The following EYS variants were observed in gnomAD, a reference collection of about 807,000 sequenced individuals.
The protein encoded by EYS is protein eyes shut homolog.
In EYS, 250 loss-of-function variants were observed where a neutral mutation model predicts 282.1. The ratio of observed to expected loss-of-function variants is 0.89; its 90% CI spans 0.80 to 0.98. The LOEUF (loss-of-function observed/expected upper bound fraction) is 0.98. Among genes scored for constraint, EYS ranks in the 50% least tolerant of loss-of-function variants. The pLI is 0.00. For synonymous variants in EYS, 1,355 were observed against 1,282.9 expected (o/e 1.06, Z -1.20); for missense variants, 4,016 against 3,709.0 (o/e 1.08, Z -2.15).
chr6:64,730,154 A>T (rs1273012310), intron 22 of EYS, among the ~76,000 whole-genome samples: 1 of 152,202 alleles, frequency 6.6e-6, no homozygotes, highest in Non-Finnish European at 1.5e-5. Context: ...GAAGAGAAAT[A>T]TCAATGAAGC....
chr6:64,198,525 G>GT (rs1765367585), intron 31 of EYS, among the ~76,000 whole-genome samples: 1 of 151,732 alleles, frequency 6.6e-6, no homozygotes, highest in Non-Finnish European at 1.5e-5. Flanking sequence ...CCCTCCCTGT[G>GT]TACATGGGTT....
At chr6:63,773,125 T>A (rs1007357247) in intron 40 of EYS, among the ~76,000 whole-genome samples, 1 of 152,294 alleles carries the variant, frequency 6.6e-6, no homozygotes, top group Admixed American at 6.5e-5. Flanking sequence ...ATTTGAGCAG[T>A]TTCCAGTCTT....
chr6:63,737,661 T>C (rs1242806957), intron 41 of EYS, among the ~76,000 whole-genome samples: 24 of 152,238 alleles, frequency 1.6e-4, no homozygotes, highest in African/African-American at 5.8e-4. Context: ...TCAGAAGGAA[T>C]GGTACCAGTT....
chr6:64,995,723 G>C (rs74704874), intron 14 of EYS, among the ~76,000 whole-genome samples: 10,062 of 111,154 alleles, frequency 0.091, 386 homozygotes, highest in East Asian at 0.16. Flanking sequence ...CTTCCCCCCC[G>C]CCCCATATTC....
At chr6:64,552,736 A>ACC (rs533975424) in intron 26 of EYS, among the ~76,000 whole-genome samples, 2,089 of 143,578 alleles carry the variant, frequency 0.015, 43 homozygotes, top group African/African-American at 0.05. Flanking sequence ...AACATGGTGA[A>ACC]CCCCCCCCAC....
intron 31 of EYS, among the ~76,000 whole-genome samples, chr6:64,087,575 C>A (rs1000698855): frequency 3.9e-5 from 6 of 152,082 alleles, no homozygotes; most frequent in East Asian, 3.8e-4. Flanking sequence ...CACCTTTGAT[C>A]CCCCTATGGC....
chr6:65,413,842 G>T (rs1767124500), intron 5 of EYS, among the ~76,000 whole-genome samples: 1 of 151,778 alleles, frequency 6.6e-6, no homozygotes, highest in South Asian at 2.1e-4. Flanking sequence ...GGCGACAGAG[G>T]GAGACTTTGT....
rs981629140 is a variant in EYS, at chr6:65,329,828, T to A, written c.1766+5152A>T. The A allele has an allele frequency of 3.0e-5, 29 of 983,014 alleles. No homozygotes were observed. In the African/African-American group the frequency reaches 5.1e-4, roughly 17 times the overall value. The allele number at this position is 983,014 out of a possible 1,614,324, so 60.9% of individuals were successfully genotyped here. A position where few individuals can be genotyped will look rare whatever the true frequency, so the allele number is the denominator to read the frequency against. ...TGCCATATTCACATAAAGCTCTATT[T>A]TTACAAGCCTCCTGACTCTACAGAA... On this transcript the variant is annotated intron_variant, in intron 11 of 42. Transcript: ENST00000503581.
chr6:64,339,420 C>T (rs1176780305), intron 29 of EYS, among the ~76,000 whole-genome samples: 2 of 151,944 alleles, frequency 1.3e-5, no homozygotes, highest in Non-Finnish European at 2.9e-5. Context: ...ATTAAAACCA[C>T]ACTGTGTTAT....
rs185568641 is a variant in EYS, at chr6:64,136,707, G to C, written c.6425-54705C>G. The stretch of plus-strand genomic sequence containing the variant: ...AGGAATCTTTTTTTCTGAGCAGCAG[G>C]GTCTCAATAGTGGGCTTAAAATAGT... On this transcript the variant is annotated intron_variant, in intron 31 of 42. Coordinates refer to ENST00000503581, the MANE Select transcript of EYS (RefSeq NM_001142800.2). 2.8e-3 allele frequency among the ~76,000 whole-genome samples: 429 copies of C among 152,134 alleles called. 2 individuals carry two copies. The highest frequency in any genetic ancestry group is 9.8e-3 in the African/African-American group (409 of 41,544).
At chr6:64,067,551 A>G (rs1582222674) in intron 32 of EYS, among the ~76,000 whole-genome samples, 1 of 152,274 alleles carries the variant, frequency 6.6e-6, no homozygotes, top group East Asian at 1.9e-4. Flanking sequence ...ATTACAGTAC[A>G]ATAAAATATC....
At chr6:65,305,629 CA>C (rs1768984174) in intron 11 of EYS, among the ~76,000 whole-genome samples, 1 of 152,114 alleles carries the variant, frequency 6.6e-6, no homozygotes, top group African/African-American at 2.4e-5. Flanking sequence ...TAAAGTGCCT[CA>C]GGGGTCCCCT....
intron 2 of EYS, among the ~76,000 whole-genome samples, chr6:65,516,354 C>T (rs900756437): frequency 6.6e-6 from 1 of 152,040 alleles, no homozygotes; most frequent in Non-Finnish European, 1.5e-5. Flanking sequence ...CACTGCTAAT[C>T]CTCACAGCTA....
At chr6:65,204,159 T>G (rs1346845992) in intron 12 of EYS, among the ~76,000 whole-genome samples, 1 of 151,916 alleles carries the variant, frequency 6.6e-6, no homozygotes, top group African/African-American at 2.4e-5. Flanking sequence ...TGAGGAAAAT[T>G]TCCCCAATCT....
At chr6:64,318,126 A>G (rs532808639) in intron 29 of EYS, among the ~76,000 whole-genome samples, 2 of 152,164 alleles carry the variant, frequency 1.3e-5, no homozygotes, top group African/African-American at 2.4e-5. Context: ...GTGTATACCT[A>G]TGTAACAAAT....
chr6:64,001,689 C>A (rs892600576), intron 33 of EYS, among the ~76,000 whole-genome samples: 1 of 152,102 alleles, frequency 6.6e-6, no homozygotes, highest in Non-Finnish European at 1.5e-5. Context: ...ATTCATCCAG[C>A]TCTTAAACAA....
intron 2 of EYS, among the ~76,000 whole-genome samples, chr6:65,613,890 T>C (rs778566590): frequency 2.9e-4 from 44 of 151,930 alleles, no homozygotes; most frequent in Non-Finnish European, 5.9e-5. Flanking sequence ...TGGTTTATGG[T>C]TATTAGGTAA....
Position 64,893,646 on chromosome 6 carries a change from C to A in EYS, c.2847-6804G>T, listed in dbSNP as rs560058117. 1.7e-3 allele frequency among the ~76,000 whole-genome samples: 262 copies of A among 151,980 alleles called. 1 individual carries two copies. The highest frequency in any genetic ancestry group is 6.1e-3 in the African/African-American group (252 of 41,504). On this transcript the variant is annotated intron_variant, in intron 18 of 42. Coordinates refer to ENST00000503581, the MANE Select transcript of EYS (RefSeq NM_001142800.2). ...AAAGATTTTAATTCATTGAAAATGG[C>A]TTTTATTATAATAATTTACACCAGG...
chr6:64,527,014 T>C (rs1313772876), intron 26 of EYS, among the ~76,000 whole-genome samples: 1 of 151,834 alleles, frequency 6.6e-6, no homozygotes, highest in Non-Finnish European at 1.5e-5. Context: ...ATCATAGTTT[T>C]AGAATATTTA....
Sources: allele counts gnomAD v4.1 joint callset (sites outside exome capture counted in the v4.1 genomes callset), GRCh38; gene constraint gnomAD v4.1.1; transcripts MANE v1.5; gene names NCBI Gene and HGNC (gene_info 2026-07-23, HGNC 2026-07-21).